Variants in TCERG1L observed in about 807,000 individuals in gnomAD.
TCERG1L encodes transcription elongation regulator 1 like, also known as transcription elongation regulator 1-like protein.
TCERG1L carries 37 observed loss-of-function variants against 56.3 expected under a neutral mutation model. The ratio of observed to expected loss-of-function variants is 0.66; its 90% CI spans 0.51 to 0.87. The LOEUF is 0.87. Among genes scored for constraint, TCERG1L ranks in the 40% least tolerant of loss-of-function variants. The probability of loss-of-function intolerance (pLI) is 0.00; values close to 1 mark genes in which losing one functional copy is unlikely to be tolerated. For synonymous variants in TCERG1L, 324 were observed against 326.3 expected, an observed-to-expected ratio of 0.99 and a Z score of 0.08; for missense variants, 799 against 774.2, an observed-to-expected ratio of 1.03 and a Z score of -0.38.
intron 3 of TCERG1L, among the ~76,000 whole-genome samples, chr10:131,294,251 A>G (rs1846665416): frequency 6.6e-6 from 1 of 152,074 alleles, no homozygotes; most frequent in Admixed American, 6.5e-5. Context: ...GAGCTAAATC[A>G]TGGCTTCCTG....
At chr10:131,184,499 C>T (rs548182429) in intron 4 of TCERG1L, among the ~76,000 whole-genome samples, 3 of 152,258 alleles carry the variant, frequency 2.0e-5, no homozygotes, top group African/African-American at 7.2e-5. Flanking sequence ...AAACTGCATG[C>T]GATATTTGGC....
intron 8 of TCERG1L, among the ~76,000 whole-genome samples, chr10:131,133,203 CCT>C (rs1166907171): frequency 1.3e-5 from 2 of 152,162 alleles, no homozygotes; most frequent in African/African-American, 2.4e-5. Context: ...TCCCTCTTCC[CCT>C]CTCTTCCTTA....
intron 6 of TCERG1L, among the ~76,000 whole-genome samples, chr10:131,157,030 C>T (rs1259094087): frequency 6.6e-6 from 1 of 152,192 alleles, no homozygotes; most frequent in African/African-American, 2.4e-5. Flanking sequence ...GAAATGCAGT[C>T]AGCCCCTGGC....
At chr10:131,146,744 CCCCT>C in intron 6 of TCERG1L, 84 bp from the exon 7 acceptor site, 1 of 1,423,158 alleles carries the variant, frequency 7.0e-7, no homozygotes, top group Non-Finnish European at 9.4e-7. Flanking sequence ...ACTGAAAAAG[CCCCT>C]CAGGACCGAA....
intron 3 of TCERG1L, among the ~76,000 whole-genome samples, chr10:131,297,188 A>G (rs544469449): frequency 6.6e-6 from 1 of 152,180 alleles, no homozygotes; most frequent in South Asian, 2.1e-4. Flanking sequence ...CGTTAGTGGT[A>G]GATCTTCCTT....
At position 131,223,066 on chromosome 10, in the gene TCERG1L, CT is replaced by C. The variant is rs560198859; in HGVS notation, c.856+37192del. On this transcript the variant is annotated intron_variant, in intron 4 of 11. Coordinates refer to ENST00000368642, the MANE Select transcript of TCERG1L (RefSeq NM_174937.4). Reference sequence around the variant, plus strand: ...GATGCAAGCACCATTCTTAGTGCCCCTGATCAACCGGCGGGGACGAGATCCC... The same window carrying C: ...GATGCAAGCACCATTCTTAGTGCCCCGATCAACCGGCGGGGACGAGATCCC... 8.8e-4 allele frequency among the ~76,000 whole-genome samples: 134 copies of C among 152,334 alleles called. 1 individual carries two copies. The highest frequency in any genetic ancestry group is 3.0e-3 in the African/African-American group (124 of 41,572).
At chr10:131,223,042 A>G (rs1383178849) in intron 4 of TCERG1L, among the ~76,000 whole-genome samples, 2 of 152,100 alleles carry the variant, frequency 1.3e-5, no homozygotes, top group Admixed American at 1.3e-4. Flanking sequence ...GGTTCACGAG[A>G]TGCAAGCACC....
chr10:131,299,675 T>G (rs1846739492), intron 3 of TCERG1L, among the ~76,000 whole-genome samples: 1 of 152,138 alleles, frequency 6.6e-6, no homozygotes, highest in African/African-American at 2.4e-5. Context: ...TTGTATAGTT[T>G]TGTTTTTAAT....
At chr10:131,282,327 G>A (rs1347629582) in intron 3 of TCERG1L, among the ~76,000 whole-genome samples, 3 of 133,182 alleles carry the variant, frequency 2.3e-5, no homozygotes, top group Admixed American at 1.4e-4. Context: ...TAGGAATTAC[G>A]ATGGTGACAT....
chr10:131,254,017 G>A (rs1430657927), intron 4 of TCERG1L, among the ~76,000 whole-genome samples: 2 of 152,182 alleles, frequency 1.3e-5, no homozygotes, highest in Non-Finnish European at 2.9e-5. Context: ...TTCAGGATGG[G>A]AGGACTCGGG....
chr10:131,117,077 C>T, intron 8 of TCERG1L, 143 bp from the exon 9 acceptor site: 9 of 1,168,932 alleles, frequency 7.7e-6, no homozygotes, highest in Non-Finnish European at 1.1e-5. Context: ...GAGGCGGTCT[C>T]CCTCGCAAAG....
At chr10:131,217,943 C>G (rs1273607874) in intron 4 of TCERG1L, among the ~76,000 whole-genome samples, 2 of 152,034 alleles carry the variant, frequency 1.3e-5, no homozygotes, top group South Asian at 2.1e-4. Flanking sequence ...CCAGGATGGT[C>G]TCGATCTCCT....
chr10:131,187,157 G>C (rs548662111), intron 4 of TCERG1L, among the ~76,000 whole-genome samples: 2 of 152,340 alleles, frequency 1.3e-5, no homozygotes, highest in East Asian at 3.9e-4. Context: ...AGTGGGCAGA[G>C]GACAGAGGCT....
At position 131,116,890 on chromosome 10, in the gene TCERG1L, T is replaced by G. The variant is rs771364109; in HGVS notation, c.1304A>C (p.Glu435Ala). ...GGGCGGCGTCCTTGTGCCTTTGTCC[T>G]CTCTCTTTGCCTCCTCTGGCTTGGG... The part of the protein sequence containing the change: ...GSPKPEEAKR[E>A]DKGTRTPPPQ... Residue 435 changes from glutamate to alanine, a missense_variant, in exon 9 of 12, where the codon GAG (glutamate) becomes GCG (alanine). Glu to Ala is a moderately radical substitution (Grantham distance 107). Transcript: ENST00000368642. 1.9e-6 allele frequency: 3 copies of G among 1,603,992 alleles called. No individual in the cohort carries two copies. The Admixed American group carries it at 5.1e-5, about 27-fold the overall frequency.
rs564371221 is a variant in TCERG1L, at chr10:131,250,972, G to A, written c.856+9287C>T. Among the ~76,000 whole-genome samples the A allele has an allele frequency of 1.4e-4, 22 of 152,160 alleles. 2 individuals carry two copies. The highest frequency in any genetic ancestry group is 5.3e-4 in the African/African-American group (22 of 41,536). On this transcript the variant is annotated intron_variant, in intron 4 of 11. Transcript: ENST00000368642. Reference sequence around the variant, plus strand: ...CATTTCACCACCGACACTGGGCTCCGCTTCCCACCTGTGCTTCTAGATGGC... The same window carrying A: ...CATTTCACCACCGACACTGGGCTCCACTTCCCACCTGTGCTTCTAGATGGC...
At chr10:131,270,001 C>T (rs2133552064) in intron 3 of TCERG1L, among the ~76,000 whole-genome samples, 1 of 152,318 alleles carries the variant, frequency 6.6e-6, no homozygotes, top group Non-Finnish European at 1.5e-5. Context: ...GAGCGCACTT[C>T]AGGAGGATAT....
At chr10:131,131,297 G>A (rs1369214778) in intron 8 of TCERG1L, among the ~76,000 whole-genome samples, 2 of 152,116 alleles carry the variant, frequency 1.3e-5, no homozygotes, top group Non-Finnish European at 2.9e-5. Flanking sequence ...AACTGTTCAC[G>A]GGAATGCTCC....
At chr10:131,146,460 G>A in intron 7 of TCERG1L, 46 bp downstream of exon 7, 1 of 1,525,488 alleles carries the variant, frequency 6.6e-7, no homozygotes, top group African/African-American at 1.4e-5. Flanking sequence ...GAAATAAGCA[G>A]CTTAAACACT....
At chr10:131,221,248 G>A (rs1845728854) in intron 4 of TCERG1L, among the ~76,000 whole-genome samples, 1 of 152,230 alleles carries the variant, frequency 6.6e-6, no homozygotes, top group African/African-American at 2.4e-5. Context: ...CGGGGTGGGA[G>A]GCCCCTGGCC....
Sources: gnomAD v4.1 joint callset for allele counts (sites outside exome capture counted in the v4.1 genomes callset) on GRCh38, gnomAD v4.1.1 for gene constraint, MANE v1.5 for transcripts, NCBI Gene and HGNC (gene_info 2026-07-23, HGNC 2026-07-21) for gene names.